The following PVALB variants were observed in gnomAD, a reference collection of about 807,000 sequenced individuals.
The protein encoded by PVALB is parvalbumin.
PVALB carries 11 observed loss-of-function variants against 10.9 expected under a neutral mutation model. That is an observed-to-expected ratio of 1.01 (90% CI 0.63 to 1.67). The LOEUF is 1.67. Ranked by LOEUF, PVALB falls within the 40% of genes most tolerant of loss-of-function variation. The pLI is 0.00. For synonymous variants in PVALB, 57 were observed against 50.7 expected (o/e 1.12, Z -0.53); for missense variants, 131 against 136.2 (o/e 0.96, Z 0.19).
chr22:36,812,324 T>C (rs570305119), intron 3 of PVALB, among the ~76,000 whole-genome samples: 1 of 152,340 alleles, frequency 6.6e-6, no homozygotes, highest in East Asian at 1.9e-4. Flanking sequence ...ATTGGCTAGA[T>C]ACTGGGGCTA....
At chr22:36,807,430 A>G (rs902971867) in intron 3 of PVALB, among the ~76,000 whole-genome samples, 11 of 152,336 alleles carry the variant, frequency 7.2e-5, no homozygotes, top group Middle Eastern at 3.4e-3. Flanking sequence ...AAATCCCCAT[A>G]GAGGCCGGAG....
chr22:36,816,045 TTG>T (rs549412942), intron 1 of PVALB, among the ~76,000 whole-genome samples: 7 of 134,180 alleles, frequency 5.2e-5, no homozygotes, highest in African/African-American at 1.1e-4. Context: ...ATCATGTATT[TTG>T]TGTGTGTGTG....
At chr22:36,811,027 G>C (rs1939037617) in intron 3 of PVALB, among the ~76,000 whole-genome samples, 1 of 152,224 alleles carries the variant, frequency 6.6e-6, no homozygotes, top group South Asian at 2.1e-4. Flanking sequence ...TGTAACCCCA[G>C]CACTTTGGGA....
intron 3 of PVALB, among the ~76,000 whole-genome samples, chr22:36,809,855 GT>G (rs58451670): frequency 0.017 from 2,119 of 122,070 alleles, 50 homozygotes; most frequent in African/African-American, 0.06. Flanking sequence ...CATGTCCCAT[GT>G]TTTTTTTTTT....
At chr22:36,809,774 G>A (rs1048335031) in intron 3 of PVALB, among the ~76,000 whole-genome samples, 1 of 151,006 alleles carries the variant, frequency 6.6e-6, no homozygotes. Flanking sequence ...CTGTGTAGAG[G>A]TTTATCCACT....
chr22:36,817,217 G>T, upstream of PVALB: 2 of 375,624 alleles, frequency 5.3e-6, no homozygotes, highest in Non-Finnish European at 9.3e-6. Context: ...GCAAGAAGGC[G>T]CGCGGACCTG....
intron 3 of PVALB, among the ~76,000 whole-genome samples, chr22:36,803,919 C>T (rs1056323085): frequency 6.6e-6 from 1 of 152,172 alleles, no homozygotes; most frequent in African/African-American, 2.4e-5. Context: ...CAGGAACCTG[C>T]TACATGAATG....
intron 1 of PVALB, 93 bp downstream of exon 1, chr22:36,816,851 TG>T: frequency 1.8e-6 from 2 of 1,136,458 alleles, no homozygotes; most frequent in Non-Finnish European, 2.4e-6. Flanking sequence ...AGAAGCGCGC[TG>T]GGGAGGATCC....
chr22:36,804,021 G>A (rs1280631130), intron 3 of PVALB, among the ~76,000 whole-genome samples: 1 of 152,200 alleles, frequency 6.6e-6, no homozygotes, highest in Non-Finnish European at 1.5e-5. Flanking sequence ...TCCAGCACTG[G>A]CATTCCCTGT....
intron 3 of PVALB, among the ~76,000 whole-genome samples, chr22:36,807,410 C>A (rs1938968630): frequency 6.6e-6 from 1 of 152,242 alleles, no homozygotes; most frequent in Admixed American, 6.5e-5. Context: ...TCCTGTCCTA[C>A]TTAGAAATCA....
intron 3 of PVALB, among the ~76,000 whole-genome samples, chr22:36,806,705 C>T (rs537306027): frequency 1.3e-5 from 2 of 152,174 alleles, no homozygotes; most frequent in African/African-American, 2.4e-5. Context: ...AGCCAGACAG[C>T]CACAAGGAGG....
rs1939119650 is a variant in PVALB at position 36,815,208 on chromosome 22, A to G, written c.89T>C (p.Phe30Ser). Reference protein sequence around the residue: ...SATDSFDHKKFFQMVGLKKKS... With the variant: ...SATDSFDHKKSFQMVGLKKKS... ...TTTCTTCAGGCCGACCATTTGGAAG[A>G]ACTTTTTGTGGTCGAAGGAGTCGGT... Residue 30 changes from phenylalanine (F) to serine (S), a missense_variant, in exon 2 of 4, where the codon TTC becomes TCC. Phe to Ser is a radical substitution (Grantham distance 155, BLOSUM62 -2). Transcript: ENST00000417718. 2 of 1,614,198 alleles carry G rather than the reference A, an allele frequency of 1.2e-6. No homozygotes were observed. Among genetic ancestry groups the G allele is most frequent in the Admixed American group, 3.3e-5 (2 of 60,032 alleles).
At chr22:36,816,691 G>C (rs1217151447) in intron 1 of PVALB, among the ~76,000 whole-genome samples, 6 of 152,166 alleles carry the variant, frequency 3.9e-5, no homozygotes, top group Non-Finnish European at 5.9e-5. Context: ...CCCAGCCACC[G>C]GGCCTTCAGC....
At chr22:36,817,483 C>T (rs920985352), upstream of PVALB, 1 of 153,296 alleles carries the variant, frequency 6.5e-6, no homozygotes, top group East Asian at 1.9e-4. Context: ...CTAGGCCCTG[C>T]TCCCTTTCTC....
intron 3 of PVALB, among the ~76,000 whole-genome samples, chr22:36,808,173 G>A (rs139821818): frequency 6.6e-6 from 1 of 152,216 alleles, no homozygotes; most frequent in South Asian, 2.1e-4. Flanking sequence ...ACAGCAAGTC[G>A]CTCTGCTTCC....
At chr22:36,802,405 A>G (rs1054300327) in intron 3 of PVALB, among the ~76,000 whole-genome samples, 1 of 151,850 alleles carries the variant, frequency 6.6e-6, no homozygotes, top group African/African-American at 2.4e-5. Flanking sequence ...GATCGAGACT[A>G]TCCTGGCCAA....
chr22:36,816,949 A>G lies in PVALB; in HGVS notation c.57T>C (p.Phe19=). ...AEDIKKAVGA[F]SATDSFDHKK... ...GAGGGGAGCGCGCTTGCTCACCGCT[A>G]AAGGCTCCCACCGCCTTCTTGATGT... The change falls in exon 1 of 4, where the codon TTT becomes TTC. Residue 19 remains phenylalanine (F), a synonymous_variant. Coordinates refer to ENST00000417718, the MANE Select transcript of PVALB (RefSeq NM_001315532.2). 2 of 1,607,008 alleles carry G rather than the reference A, an allele frequency of 1.2e-6. No homozygotes were observed. The highest frequency in any genetic ancestry group is 1.7e-6 in the Non-Finnish European group (2 of 1,178,238).
intron 1 of PVALB, among the ~76,000 whole-genome samples, chr22:36,815,874 G>A (rs570894950): frequency 4.7e-4 from 71 of 152,138 alleles, no homozygotes; most frequent in African/African-American, 1.7e-3. Flanking sequence ...GGTGAAGGGA[G>A]AGGGTTATCC....
At chr22:36,813,044 T>C (rs900502580) in intron 3 of PVALB, among the ~76,000 whole-genome samples, 4 of 152,188 alleles carry the variant, frequency 2.6e-5, no homozygotes, top group Admixed American at 1.3e-4. Flanking sequence ...CTGTCTGAAT[T>C]CCCCACTGAT....
Sources: gnomAD v4.1 joint callset for allele counts (sites outside exome capture counted in the v4.1 genomes callset) on GRCh38, gnomAD v4.1.1 for gene constraint, MANE v1.5 for transcripts, NCBI Gene and HGNC (gene_info 2026-07-23, HGNC 2026-07-21) for gene names.